Variants in HECW2 observed in about 807,000 individuals in gnomAD.
The protein encoded by HECW2 is HECT, C2 and WW domain containing E3 ubiquitin protein ligase 2, also known as E3 ubiquitin-protein ligase HECW2.
HECW2 carries 61 observed loss-of-function variants against 175.2 expected under a neutral mutation model. The observed-to-expected ratio is 0.35, with a 90% CI of 0.28 to 0.43. The LOEUF is 0.43. Ranked by LOEUF, HECW2 falls within the 20% of genes least tolerant of loss-of-function variation. The probability of loss-of-function intolerance (pLI) is 1.00; values close to 1 mark genes in which losing one functional copy is unlikely to be tolerated. For missense variants in HECW2, 1,524 were observed against 2,000.5 expected, an observed-to-expected ratio of 0.76 and a Z score of 4.54; for synonymous variants, 671 against 731.0, an observed-to-expected ratio of 0.92 and a Z score of 1.32.
At chr2:196,321,548 C>T (rs1216012650) in intron 7 of HECW2, among the ~76,000 whole-genome samples, 1 of 151,974 alleles carries the variant, frequency 6.6e-6, no homozygotes, top group Non-Finnish European at 1.5e-5. Context: ...TAGGTGCCCG[C>T]CACCACACTC....
chr2:196,201,223 A>T lies in HECW2; in HGVS notation c.*54T>A. The stretch of plus-strand genomic sequence containing the variant: ...ACTTCCAATGTTCAATCATTCTTCT[A>T]GAAGGCAGCTTCTGAACCTGCCTGT... On this transcript the variant is annotated 3_prime_UTR_variant, in exon 29 of 29. Transcript: ENST00000644978. 9.0e-7 allele frequency: 1 copy of T among 1,111,144 alleles called. No homozygotes were observed. The highest frequency in any genetic ancestry group is 1.4e-6 in the Non-Finnish European group (1 of 721,632). The allele number at this position is 1,111,144 out of a possible 1,614,324, so 68.8% of individuals were successfully genotyped here. A position where few individuals can be genotyped will look rare whatever the true frequency, so the allele number is the denominator to read the frequency against.
intron 1 of HECW2, among the ~76,000 whole-genome samples, chr2:196,557,392 C>T (rs1256681178): frequency 6.7e-6 from 1 of 148,686 alleles, no homozygotes; most frequent in African/African-American, 2.5e-5. Context: ...CAAAACTCCA[C>T]CTCAAAAAAA....
At chr2:196,294,569 T>C (rs1228856886) in intron 13 of HECW2, among the ~76,000 whole-genome samples, 1 of 152,224 alleles carries the variant, frequency 6.6e-6, no homozygotes, top group African/African-American at 2.4e-5. Context: ...CCCCAAGGAC[T>C]CTAGAGTCTC....
chr2:196,253,115 T>C (rs1688920043), intron 19 of HECW2, among the ~76,000 whole-genome samples: 1 of 152,254 alleles, frequency 6.6e-6, no homozygotes, highest in Admixed American at 6.5e-5. Context: ...CAGTATCCAA[T>C]TAGGCTGCAT....
intron 2 of HECW2, among the ~76,000 whole-genome samples, chr2:196,380,867 C>A (rs1694189434): frequency 6.6e-6 from 1 of 152,208 alleles, no homozygotes; most frequent in African/African-American, 2.4e-5. Context: ...GTGCTGAGTT[C>A]AACCTGTTTC....
rs755772463 is a variant in HECW2 at position 196,318,889 on chromosome 2, C to G, written c.2001G>C (p.Arg667=). ...AAGAAAAGGCTGGGGTTTCAGGAAA[C>G]CGTGCGCTCTCAAGAGAGGAGCACC... The part of the protein sequence containing the change: ...DTRCSSLESA[R]FPETPAFSSQ... Residue 667 remains arginine (R), a synonymous_variant, in exon 9 of 29, where the codon CGG becomes CGC. Coordinates refer to ENST00000644978, the MANE Select transcript of HECW2 (RefSeq NM_001348768.2). 6.4e-7 allele frequency: 1 copy of G among 1,561,328 alleles called. No individual in the cohort carries two copies. Among genetic ancestry groups the G allele is most frequent in the Non-Finnish European group, 8.7e-7 (1 of 1,153,040 alleles).
chr2:196,413,408 C>T (rs1695168604), intron 2 of HECW2, among the ~76,000 whole-genome samples: 2 of 151,908 alleles, frequency 1.3e-5, no homozygotes, highest in East Asian at 3.9e-4. Context: ...TGCTGTGGTT[C>T]AATCTTGGTT....
At chr2:196,584,640 T>A (rs982528104) in intron 1 of HECW2, among the ~76,000 whole-genome samples, 6 of 152,266 alleles carry the variant, frequency 3.9e-5, no homozygotes, top group Admixed American at 3.9e-4. Flanking sequence ...CCATTGCTGC[T>A]TAGCATCCCC....
At chr2:196,515,173 G>T (rs1353933616) in intron 1 of HECW2, among the ~76,000 whole-genome samples, 1 of 152,258 alleles carries the variant, frequency 6.6e-6, no homozygotes, top group Non-Finnish European at 1.5e-5. Flanking sequence ...GCCGGCACCT[G>T]TGCTGGCGCC....
At chr2:196,306,720 T>G in intron 12 of HECW2, 108 bp from the exon 13 acceptor site, 1 of 1,113,618 alleles carries the variant, frequency 9.0e-7, no homozygotes, top group East Asian at 2.8e-5. Context: ...ACCTACATCA[T>G]GTGTCATCAT....
chr2:196,252,292 AACTT>A (rs760159071), intron 19 of HECW2, among the ~76,000 whole-genome samples: 26 of 151,860 alleles, frequency 1.7e-4, no homozygotes, highest in Admixed American at 4.6e-4. Flanking sequence ...TGTATCTATT[AACTT>A]ACTTGTATCT....
chr2:196,374,046 A>AAATAAATAAAT (rs1553509125), intron 2 of HECW2, among the ~76,000 whole-genome samples: 2 of 148,570 alleles, frequency 1.3e-5, no homozygotes, highest in Admixed American at 6.6e-5. Context: ...AAAATAAAAT[A>AAATAAATAAAT]AAATAAATAA....
intron 10 of HECW2, among the ~76,000 whole-genome samples, chr2:196,314,919 A>G (rs1385587605): frequency 9.9e-5 from 15 of 152,200 alleles, no homozygotes; most frequent in Non-Finnish European, 1.5e-5. Flanking sequence ...CAGAGGTGGT[A>G]GCAAAGTTGT....
chr2:196,221,030 T>C (rs1241257067), intron 24 of HECW2, 89 bp from the exon 25 acceptor site: 21 of 1,428,874 alleles, frequency 1.5e-5, no homozygotes, highest in Admixed American at 1.2e-4. Flanking sequence ...ATCAGCCAGC[T>C]ACCTGTCCCA....
chr2:196,472,101 A>G (rs1697223696), intron 1 of HECW2, among the ~76,000 whole-genome samples: 1 of 152,174 alleles, frequency 6.6e-6, no homozygotes, highest in African/African-American at 2.4e-5. Context: ...AGATTTACCC[A>G]TAATCAACCA....
chr2:196,440,223 T>C (rs1695999504), intron 1 of HECW2, among the ~76,000 whole-genome samples: 1 of 152,184 alleles, frequency 6.6e-6, no homozygotes, highest in Admixed American at 6.5e-5. Context: ...TAGTATTAAT[T>C]AAAATTGACT....
chr2:196,302,998 C>G (rs1575386222), intron 13 of HECW2, among the ~76,000 whole-genome samples: 1 of 152,180 alleles, frequency 6.6e-6, no homozygotes, highest in Non-Finnish European at 1.5e-5. Context: ...TGCTGGATTT[C>G]AAGGGGAATG....
At chr2:196,218,295 T>C (rs1197068146) in intron 26 of HECW2, 1 of 152,226 alleles carries the variant, frequency 6.6e-6, no homozygotes, top group East Asian at 1.9e-4. Context: ...TGTGAACATA[T>C]GGCAGGTGGC....
rs371422490 is a variant in HECW2 at position 196,492,274 on chromosome 2, C to G, written c.-35-58816G>C. On this transcript the variant is annotated intron_variant, in intron 1 of 28. Transcript: ENST00000644978. ...AACCAAGTGTCACTTTGTTACCCAA[C>G]AGACATCAACATCTAGCCTGGACCG... Among the ~76,000 whole-genome samples the G allele has an allele frequency of 7.0e-4, 107 of 152,288 alleles. 1 individual carries two copies. The Middle Eastern group carries it at 0.037, about 53-fold the overall frequency.
Sources: gnomAD v4.1 joint callset for allele counts (sites outside exome capture counted in the v4.1 genomes callset) on GRCh38, gnomAD v4.1.1 for gene constraint, MANE v1.5 for transcripts, NCBI Gene and HGNC (gene_info 2026-07-23, HGNC 2026-07-21) for gene names.